ERP44: variants seen among roughly 807,000 people sequenced by gnomAD.
The protein encoded by ERP44 is endoplasmic reticulum resident protein 44.
Under a neutral mutation model 53.4 loss-of-function variants are expected in ERP44, and 25 were observed. The observed-to-expected ratio is 0.47, with a 90% CI of 0.34 to 0.65. ERP44 has a LOEUF of 0.65. ERP44 is among the 30% of genes least tolerant of loss of function. The probability of loss-of-function intolerance (pLI) is 0.01; values close to 1 mark genes in which losing one functional copy is unlikely to be tolerated. For synonymous variants in ERP44, 145 were observed against 161.2 expected (o/e 0.90, Z 0.76); for missense variants, 338 against 493.2 (o/e 0.69, Z 2.98).
intron 10 of ERP44, among the ~76,000 whole-genome samples, chr9:99,995,783 C>T (rs546979923): frequency 3.0e-4 from 45 of 152,256 alleles, no homozygotes; most frequent in African/African-American, 1.1e-3. Flanking sequence ...TAGACAGACA[C>T]TTGGATTGAT....
At chr9:100,017,590 TA>T (rs796310062) in intron 7 of ERP44, among the ~76,000 whole-genome samples, 26 of 152,334 alleles carry the variant, frequency 1.7e-4, no homozygotes, top group African/African-American at 6.0e-4. Context: ...GCATAAAAAT[TA>T]AAAATCTCAG....
chr9:100,092,877 T>C (rs988253594), intron 1 of ERP44, among the ~76,000 whole-genome samples: 2 of 152,204 alleles, frequency 1.3e-5, no homozygotes, highest in Non-Finnish European at 2.9e-5. Context: ...GAAGTGGGCA[T>C]AGTCACACAC....
chr9:100,079,844 A>G (rs1587983895), intron 1 of ERP44, among the ~76,000 whole-genome samples: 1 of 151,996 alleles, frequency 6.6e-6, no homozygotes, highest in Non-Finnish European at 1.5e-5. Context: ...CTGAGGCAGG[A>G]AAATCATTGG....
chr9:100,068,205 A>G (rs80249092), intron 1 of ERP44, among the ~76,000 whole-genome samples: 95,681 of 134,626 alleles, frequency 0.71, 32,836 homozygotes, highest in East Asian at 0.9. Flanking sequence ...GGAGGGAGGT[A>G]GGGGGGTCAG....
intron 4 of ERP44, among the ~76,000 whole-genome samples, chr9:100,035,854 C>A (rs1280922577): frequency 1.3e-5 from 2 of 151,968 alleles, no homozygotes; most frequent in Non-Finnish European, 2.9e-5. Flanking sequence ...AGATACCACC[C>A]CATGCCAGTC....
rs1830137398 is a variant in ERP44, at chr9:99,980,478, C to G, written c.*2134G>C. 1 of 158,656 alleles carries G rather than the reference C, an allele frequency of 6.3e-6. No homozygotes were observed. 9.8% of individuals were successfully genotyped at this position (158,656 alleles called of 1,614,324 possible). Reference sequence around the variant, plus strand: ...TCTCCAAGCAAAACAGCCTTAACATCCATGTTTTAAAAACCTTTTTATCCA... The same window carrying G: ...TCTCCAAGCAAAACAGCCTTAACATGCATGTTTTAAAAACCTTTTTATCCA... On this transcript the variant is annotated 3_prime_UTR_variant, in exon 12 of 12. Coordinates refer to ENST00000262455, the MANE Select transcript of ERP44 (RefSeq NM_015051.3).
chr9:100,016,689 A>G (rs1486070761), intron 7 of ERP44, among the ~76,000 whole-genome samples: 2 of 152,104 alleles, frequency 1.3e-5, no homozygotes, highest in Non-Finnish European at 2.9e-5. Context: ...TTATGCAGAG[A>G]TGGGGTCTTG....
At chr9:100,049,785 CA>C (rs1364902370) in intron 4 of ERP44, among the ~76,000 whole-genome samples, 1 of 152,084 alleles carries the variant, frequency 6.6e-6, no homozygotes, top group Non-Finnish European at 1.5e-5. Flanking sequence ...AAAATGAAAA[CA>C]TATGTATAAA....
chr9:100,053,637 AAAC>A (rs1826059647), intron 3 of ERP44, among the ~76,000 whole-genome samples: 1 of 152,224 alleles, frequency 6.6e-6, no homozygotes, highest in Non-Finnish European at 1.5e-5. Context: ...GCAGGTATCT[AAAC>A]ACAGAAAAGT....
Position 99,979,340 on chromosome 9 carries a change from C to G in ERP44, c.*3272G>C, listed in dbSNP as rs758073229. 6.6e-6 allele frequency: 1 copy of G among 151,468 alleles called. No homozygotes were observed. The highest frequency in any genetic ancestry group is 1.5e-5 in the Non-Finnish European group (1 of 67,934). The allele number at this position is 151,468 out of a possible 1,614,324, so 9.4% of individuals were successfully genotyped here. Reference sequence around the variant, plus strand: ...GTTTAAAAAAGAAAAAAAAAAAAGCCTTCTTGACAACCTTAGCATTTTCTA... The same window carrying G: ...GTTTAAAAAAGAAAAAAAAAAAAGCGTTCTTGACAACCTTAGCATTTTCTA... On this transcript the variant is annotated 3_prime_UTR_variant, in exon 12 of 12. Coordinates refer to ENST00000262455, the MANE Select transcript of ERP44 (RefSeq NM_015051.3).
chr9:100,033,321 A>G (rs117399495), intron 4 of ERP44, among the ~76,000 whole-genome samples: 3,978 of 152,254 alleles, frequency 0.026, 73 homozygotes, highest in Non-Finnish European at 0.038. Flanking sequence ...CACCTTGTCT[A>G]CACAGTCCCT....
intron 8 of ERP44, among the ~76,000 whole-genome samples, chr9:100,011,113 A>G (rs1830472298): frequency 2.0e-5 from 3 of 152,204 alleles, no homozygotes; most frequent in Admixed American, 2.0e-4. Context: ...TCTGCTTTAC[A>G]ATTGCTTGTA....
At chr9:100,083,298 A>G (rs189422367) in intron 1 of ERP44, among the ~76,000 whole-genome samples, 157 of 152,234 alleles carry the variant, frequency 1.0e-3, no homozygotes, top group Non-Finnish European at 1.4e-3. Context: ...CAATGCATCA[A>G]TACAATGGAA....
At chr9:100,062,443 T>C (rs1274413464) in intron 1 of ERP44, among the ~76,000 whole-genome samples, 2 of 152,178 alleles carry the variant, frequency 1.3e-5, no homozygotes, top group African/African-American at 4.8e-5. Context: ...ATATTGGTAA[T>C]AGCAAGATTT....
chr9:100,050,390 T>TA (rs1182291859), intron 4 of ERP44, among the ~76,000 whole-genome samples: 5 of 152,132 alleles, frequency 3.3e-5, no homozygotes, highest in African/African-American at 1.2e-4. Flanking sequence ...AAAGCACTGA[T>TA]ACGTATATCA....
intron 1 of ERP44, among the ~76,000 whole-genome samples, chr9:100,097,081 TA>T (rs1346923012): frequency 5.3e-5 from 8 of 152,186 alleles, no homozygotes; most frequent in Non-Finnish European, 1.2e-4. Context: ...TTCTCTAACA[TA>T]TTTTCCAGAT....
chr9:100,006,735 T>A (rs913683354), intron 9 of ERP44, 88 bp from the exon 10 acceptor site: 2 of 891,628 alleles, frequency 2.2e-6, no homozygotes, highest in Non-Finnish European at 3.3e-6. Flanking sequence ...AGTGACATAC[T>A]AAAAAAAAAG....
intron 4 of ERP44, among the ~76,000 whole-genome samples, chr9:100,037,907 T>G (rs2118682772): frequency 6.6e-6 from 1 of 152,216 alleles, no homozygotes; most frequent in Non-Finnish European, 1.5e-5. Context: ...AGTGGAAACC[T>G]TACGTGCCAG....
intron 5 of ERP44, among the ~76,000 whole-genome samples, chr9:100,021,221 T>C (rs934693316): frequency 6.6e-6 from 1 of 152,202 alleles, no homozygotes; most frequent in Non-Finnish European, 1.5e-5. Context: ...GTAATGCCTC[T>C]AGCCAGGACA....
Sources: allele counts gnomAD v4.1 joint callset (sites outside exome capture counted in the v4.1 genomes callset), GRCh38; gene constraint gnomAD v4.1.1; transcripts MANE v1.5; gene names NCBI Gene and HGNC (gene_info 2026-07-23, HGNC 2026-07-21).